The following SNRPN variants were observed in gnomAD, a reference collection of about 807,000 sequenced individuals.
SNRPN encodes small nuclear ribonucleoprotein-associated protein N.
In SNRPN, 7 loss-of-function variants were observed where a neutral mutation model predicts 25.2. The ratio of observed to expected loss-of-function variants is 0.28; its 90% CI spans 0.16 to 0.52. SNRPN has a LOEUF of 0.52. Ranked by LOEUF, SNRPN falls within the 20% of genes least tolerant of loss-of-function variation. The probability of loss-of-function intolerance (pLI) is 0.96; values close to 1 mark genes in which losing one functional copy is unlikely to be tolerated. For missense variants in SNRPN, 196 were observed against 322.5 expected (o/e 0.61, Z 3.00); for synonymous variants, 124 against 110.6 (o/e 1.12, Z -0.76).
intron 2 of SNRPN, chr15:24,850,793 GCTCA>G (rs1364207640): frequency 6.6e-6 from 1 of 152,196 alleles, no homozygotes; most frequent in Non-Finnish European, 1.5e-5. Context: ...GGAAGTCAGG[GCTCA>G]CTCCTGTCCT....
intron 1 of SNRPN, among the ~76,000 whole-genome samples, chr15:24,869,918 T>C (rs1405070533): frequency 6.6e-6 from 1 of 152,154 alleles, no homozygotes; most frequent in East Asian, 1.9e-4. Flanking sequence ...TTCTCCACCA[T>C]GATTTCATAC....
At chr15:24,857,886 AG>A (rs2053564106) in intron 1 of SNRPN, among the ~76,000 whole-genome samples, 2 of 152,104 alleles carry the variant, frequency 1.3e-5, no homozygotes, top group African/African-American at 4.8e-5. Context: ...TTTGGTGGGT[AG>A]GGGGTCGGAA....
chr15:24,854,508 A>G (rs114930741), upstream of SNRPN, among the ~76,000 whole-genome samples: 486 of 152,298 alleles, frequency 3.2e-3, no homozygotes, highest in African/African-American at 0.011. Context: ...ATTTCTTAGA[A>G]CAGAAATTCT....
intron 3 of SNRPN, chr15:24,968,948 C>A (rs1470671830): frequency 3.3e-5 from 5 of 151,402 alleles, no homozygotes; most frequent in African/African-American, 1.2e-4. Context: ...TTTTTTTCTA[C>A]TTTAAGTTTT....
rs1281653591 is a variant in SNRPN at position 24,868,119 on chromosome 15, G to GTATATA, written c.-579+11404_-579+11405insATATAT. ...TGTGTGCATGTATATGGGTGTGTGT[G>GTATATA]TGTATATATATATATATACACACAC... On this transcript the variant is annotated intron_variant, in intron 1 of 11. Coordinates refer to the SNRPN transcript ENST00000400097. 2.5e-3 allele frequency among the ~76,000 whole-genome samples: 334 copies of GTATATA among 132,540 alleles called. 4 individuals carry two copies. Among genetic ancestry groups the GTATATA allele is most frequent in the African/African-American group, 9.5e-3 (319 of 33,748 alleles). The allele number at this position is 132,540 out of a possible 152,430, so 87.0% of individuals were successfully genotyped here. A position where few individuals can be genotyped will look rare whatever the true frequency, so the allele number is the denominator to read the frequency against.
intron 2 of SNRPN, among the ~76,000 whole-genome samples, chr15:24,963,127 T>G (rs2153500474): frequency 6.6e-6 from 1 of 152,294 alleles, no homozygotes; most frequent in African/African-American, 2.4e-5. Flanking sequence ...GAAGTTTGTG[T>G]GCATACGACA....
At chr15:24,856,836 C>T (rs933168014) in intron 1 of SNRPN, 5 of 152,136 alleles carry the variant, frequency 3.3e-5, no homozygotes, top group Non-Finnish European at 7.4e-5. Flanking sequence ...TTCGCATGTT[C>T]GCATTCTGTA....
intron 2 of SNRPN, among the ~76,000 whole-genome samples, chr15:24,904,694 G>A (rs117552002): frequency 0.067 from 10,029 of 150,670 alleles, 410 homozygotes; most frequent in Non-Finnish European, 0.096. Context: ...AAGAAAATCC[G>A]GGCTGGGCAC....
At chr15:24,954,601 C>CT (rs534839071), upstream of SNRPN, among the ~76,000 whole-genome samples, 506 of 152,270 alleles carry the variant, frequency 3.3e-3, 3 homozygotes, top group African/African-American at 0.012. Flanking sequence ...GCGCATTTAA[C>CT]TTTTCCAAAC....
intron 1 of SNRPN, among the ~76,000 whole-genome samples, chr15:24,861,129 G>A (rs2147252102): frequency 1.3e-5 from 2 of 152,236 alleles, no homozygotes; most frequent in Middle Eastern, 6.8e-3. Context: ...ATAAATAAAA[G>A]GATAATATCT....
At chr15:24,834,203 CGTG>C (rs2050810720) in intron 2 of SNRPN, among the ~76,000 whole-genome samples, 1 of 152,118 alleles carries the variant, frequency 6.6e-6, no homozygotes, top group Non-Finnish European at 1.5e-5. Context: ...GGATTACAGG[CGTG>C]AGCCACTGTG....
chr15:24,880,533 A>G (rs549762456), intron 1 of SNRPN, among the ~76,000 whole-genome samples: 1 of 152,188 alleles, frequency 6.6e-6, no homozygotes, highest in African/African-American at 2.4e-5. Context: ...TAGTCCTCAA[A>G]CAGCTGTTCC....
At chr15:24,882,223 T>C (rs1028496754) in intron 1 of SNRPN, among the ~76,000 whole-genome samples, 1 of 145,222 alleles carries the variant, frequency 6.9e-6, no homozygotes, top group African/African-American at 2.6e-5. Context: ...CTTTCATTTT[T>C]GCTACAAAGC....
At chr15:24,936,215 T>C (rs757166011) in intron 3 of SNRPN, among the ~76,000 whole-genome samples, 1 of 152,192 alleles carries the variant, frequency 6.6e-6, no homozygotes, top group Admixed American at 6.5e-5. Flanking sequence ...TGCCAAAAGA[T>C]ACTTCTTTAT....
intron 1 of SNRPN, among the ~76,000 whole-genome samples, chr15:24,867,142 G>A (rs1173435171): frequency 1.3e-5 from 2 of 152,058 alleles, no homozygotes; most frequent in Non-Finnish European, 2.9e-5. Flanking sequence ...TGGATATATA[G>A]CCAGCGTTGG....
chr15:24,966,192 A>G (rs1003158484), intron 2 of SNRPN, among the ~76,000 whole-genome samples: 14 of 152,190 alleles, frequency 9.2e-5, no homozygotes, highest in Admixed American at 2.6e-4. Context: ...AACAGTCTAT[A>G]GATTCTGAGG....
intron 2 of SNRPN, among the ~76,000 whole-genome samples, chr15:24,898,910 G>A (rs1023219590): frequency 1.3e-5 from 2 of 152,146 alleles, no homozygotes; most frequent in African/African-American, 4.8e-5. Flanking sequence ...ATTTATTGGT[G>A]ATCAAACAAA....
intron 3 of SNRPN, among the ~76,000 whole-genome samples, chr15:24,923,540 G>A (rs569193133): frequency 2.5e-4 from 38 of 152,246 alleles, no homozygotes; most frequent in Admixed American, 6.5e-4. Flanking sequence ...GTTTATAGCA[G>A]CATTATTTGT....
chr15:24,834,367 C>T (rs1450763617), intron 2 of SNRPN, among the ~76,000 whole-genome samples: 4 of 152,064 alleles, frequency 2.6e-5, no homozygotes, highest in Non-Finnish European at 5.9e-5. Context: ...TAAGACGGCT[C>T]AGCATGACAA....
Sources: gnomAD v4.1 joint callset for allele counts (sites outside exome capture counted in the v4.1 genomes callset) on GRCh38, gnomAD v4.1.1 for gene constraint, MANE v1.5 for transcripts, NCBI Gene and HGNC (gene_info 2026-07-23, HGNC 2026-07-21) for gene names.